The following SPTBN5 variants were observed in gnomAD, a reference collection of about 807,000 sequenced individuals.
SPTBN5 encodes spectrin beta chain, non-erythrocytic 5.
SPTBN5 carries 513 observed loss-of-function variants against 477.6 expected under a neutral mutation model. The ratio of observed to expected loss-of-function variants is 1.07; its 90% CI spans 1.00 to 1.16. The LOEUF is 1.16. SPTBN5 is among the 50% of genes most tolerant of loss of function. The pLI is 0.00. For missense variants in SPTBN5, 5,062 were observed against 4,731.8 expected (o/e 1.07, Z -2.05); for synonymous variants, 2,169 against 2,011.7 (o/e 1.08, Z -2.09).
chr15:41,869,690 G>A lies in SPTBN5; in HGVS notation c.5853+151C>T, dbSNP rs1595475780. The A allele has an allele frequency of 1.5e-5, 13 of 839,566 alleles. No individual in the cohort carries two copies. In the East Asian group the frequency reaches 4.3e-4, roughly 28 times the overall value. 52.0% of individuals were successfully genotyped at this position (839,566 alleles called of 1,614,324 possible). On this transcript the variant is annotated intron_variant, in intron 32 of 67. Coordinates refer to ENST00000320955, the MANE Select transcript of SPTBN5 (RefSeq NM_016642.4). ...TGCCCATGTGCTCAGCCCCTGACCA[G>A]CCAGACTGACATCCCGTGTGCTCGT...
chr15:41,857,063 A>G (rs1356424069), intron 51 of SPTBN5, 24 bp from the exon 52 acceptor site: 1 of 1,588,446 alleles, frequency 6.3e-7, no homozygotes, highest in South Asian at 1.1e-5. Flanking sequence ...GGGTGGGACC[A>G]AGGGAGGCAG....
Position 41,862,623 on chromosome 15 carries a change from C to T in SPTBN5, c.7301G>A (p.Ser2434Asn). The T allele has an allele frequency of 6.4e-7, 1 of 1,557,658 alleles. No individual in the cohort carries two copies. Among genetic ancestry groups the T allele is most frequent in the Non-Finnish European group, 8.7e-7 (1 of 1,153,008 alleles). Residue 2434 changes from serine (S) to asparagine (N), a missense_variant, in exon 43 of 68, where the codon AGC becomes AAC. By Grantham distance (46) the Ser-to-Asn change is conservative. Coordinates refer to ENST00000320955, the MANE Select transcript of SPTBN5 (RefSeq NM_016642.4). ...EREVGRLCQR[S>N]PEAAHGLRHR... ...CCTGAGGCCGTGGGCTGCCTCGGGG[C>T]TTCTTTGGCAGAGGCGGCCCACTTC...
At position 41,848,330 on chromosome 15, in the gene SPTBN5, C is replaced by T; in HGVS notation, c.*286G>A. 1 of 549,452 alleles carries T rather than the reference C, an allele frequency of 1.8e-6. No individual in the cohort carries two copies. The highest frequency in any genetic ancestry group is 3.3e-6 in the Non-Finnish European group (1 of 304,886). The allele number at this position is 549,452 out of a possible 1,614,324, so 34.0% of individuals were successfully genotyped here. ...CACCCCTTCCAAGCAAGGAGGAGGC[C>T]ACATGGGCCTGGGGTAGCCCTGGCC... On this transcript the variant is annotated 3_prime_UTR_variant, in exon 68 of 68. Coordinates refer to ENST00000320955, the MANE Select transcript of SPTBN5 (RefSeq NM_016642.4).
rs368044329 is a variant in SPTBN5, at chr15:41,851,273, C to T, written c.10743+10G>A. On this transcript the variant is annotated intron_variant, in intron 64 of 67. Coordinates refer to ENST00000320955, the MANE Select transcript of SPTBN5 (RefSeq NM_016642.4). ...CCTGATGTCTGCATCTCCCCTACCC[C>T]GCCTGGTACCTCCGCTGCCATCCTC... The T allele has an allele frequency of 6.8e-5, 106 of 1,551,444 alleles. No individual in the cohort carries two copies. In the Admixed American group the frequency reaches 1.5e-3, roughly 22 times the overall value.
chr15:41,877,414 TCTC>T (rs1182080860), intron 17 of SPTBN5, 58 bp from the exon 18 acceptor site: 5 of 1,563,990 alleles, frequency 3.2e-6, no homozygotes, highest in East Asian at 2.3e-5. Flanking sequence ...TCAGCCTCCT[TCTC>T]CTCTCACCTC....
At position 41,863,976 on chromosome 15, in the gene SPTBN5, G is replaced by A. The variant is rs368419268; in HGVS notation, c.6967C>T (p.Gln2323Ter). 6.2e-7 allele frequency: 1 copy of A among 1,613,716 alleles called. No homozygotes were observed. The highest frequency in any genetic ancestry group is 1.3e-5 in the African/African-American group (1 of 74,926). The change falls in exon 40 of 68, where the codon CAG (glutamine) becomes TAG (stop). Residue 2323 changes from glutamine to a stop codon, truncating the protein, a stop_gained. Coordinates refer to ENST00000320955, the MANE Select transcript of SPTBN5 (RefSeq NM_016642.4). LOFTEE classifies it high-confidence loss of function. ...CIRSISDLSL[Q>*]LKNRDPEEVK... ...TCCTCAGGGTCCCGGTTCTTGAGCT[G>A]CAGTGACAAGTCACTGATGCTCCTG...
At position 41,858,556 on chromosome 15, in the gene SPTBN5, C is replaced by T; in HGVS notation, c.8226+46G>A. 1.9e-6 allele frequency: 3 copies of T among 1,587,800 alleles called. 1 individual carries two copies. The highest frequency in any genetic ancestry group is 1.1e-5 in the South Asian group (1 of 87,264). On this transcript the variant is annotated intron_variant, in intron 49 of 67. Transcript: ENST00000320955. ...CAGCTCTGGGGCACTGTCCTGTGTT[C>T]TGCCTGGAGAGCTGTCCCACCACCC...
At chr15:41,864,985 C>G (rs890488095) in intron 39 of SPTBN5, among the ~76,000 whole-genome samples, 7 of 152,228 alleles carry the variant, frequency 4.6e-5, no homozygotes, top group Admixed American at 6.5e-5. Flanking sequence ...AGGATTCAAG[C>G]CCAGCTCCTT....
chr15:41,880,991 C>T (rs2066931401), intron 13 of SPTBN5, 43 bp downstream of exon 13: 1 of 1,521,568 alleles, frequency 6.6e-7, no homozygotes, highest in African/African-American at 1.4e-5. Flanking sequence ...GAGCTGCTGG[C>T]ACAGAGTAAG....
chr15:41,849,130 C>G (rs1214780936), intron 67 of SPTBN5, among the ~76,000 whole-genome samples: 5 of 152,212 alleles, frequency 3.3e-5, no homozygotes, highest in African/African-American at 1.2e-4. Context: ...GGAGGATTTG[C>G]CTGTCTCCAG....
intron 22 of SPTBN5, 41 bp downstream of exon 22, chr15:41,875,417 C>G (rs747249725): frequency 1.3e-6 from 2 of 1,592,354 alleles, no homozygotes; most frequent in Non-Finnish European, 1.7e-6. Flanking sequence ...CCAGCCAGGC[C>G]TCCGTCTCCC....
intron 56 of SPTBN5, 125 bp downstream of exon 56, chr15:41,854,657 C>T: frequency 1.3e-6 from 1 of 789,938 alleles, no homozygotes; most frequent in Non-Finnish European, 1.9e-6. Flanking sequence ...AGGGAAAAGG[C>T]ACATTCACTT....
Position 41,874,344 on chromosome 15 carries a change from G to A in SPTBN5, c.4637C>T (p.Thr1546Ile). The change falls in exon 24 of 68, where the codon ACC becomes ATC. Residue 1546 changes from threonine (T) to isoleucine (I), a missense_variant. Transcript: ENST00000320955. Reference protein sequence around the residue: ...VAEHMPHGSPTSYTECLNGAQ... With the variant: ...VAEHMPHGSPISYTECLNGAQ... Reference sequence around the variant, plus strand: ...ACCATTCAAGCACTCGGTATAGCTGGTGGGGCTGCCATGGGGCATGTGCTC... The same window carrying A: ...ACCATTCAAGCACTCGGTATAGCTGATGGGGCTGCCATGGGGCATGTGCTC... The A allele has an allele frequency of 1.2e-6, 2 of 1,613,874 alleles. No individual in the cohort carries two copies. Among genetic ancestry groups the A allele is most frequent in the Non-Finnish European group, 1.7e-6 (2 of 1,179,874 alleles).
At chr15:41,868,252 G>A (rs747452333) in intron 33 of SPTBN5, 34 bp from the exon 34 acceptor site, 4 of 1,576,788 alleles carry the variant, frequency 2.5e-6, no homozygotes, top group Admixed American at 1.8e-5. Flanking sequence ...CTCAGCTGGG[G>A]AGGGTGGTGT....
At chr15:41,865,697 A>G in intron 39 of SPTBN5, 111 bp downstream of exon 39, 1 of 972,262 alleles carries the variant, frequency 1.0e-6, no homozygotes, top group South Asian at 1.6e-5. Context: ...GCATAGGAGG[A>G]GCAGGCATGG....
rs1266787898 is a variant in SPTBN5, at chr15:41,877,115, C to A, written c.3711+1G>T. 3.1e-6 allele frequency: 5 copies of A among 1,613,684 alleles called. No individual in the cohort carries two copies. In the South Asian group the frequency reaches 3.3e-5, roughly 11 times the overall value. ...CCTAGCTCCACATTCCTGCTCCATACCCCAAGGTTGTCCAGGTGCAGCCAG... is the reference window on the plus strand; with the variant it reads ...CCTAGCTCCACATTCCTGCTCCATAACCCAAGGTTGTCCAGGTGCAGCCAG... On this transcript the variant is annotated splice_donor_variant, in intron 18 of 67. Coordinates refer to ENST00000320955, the MANE Select transcript of SPTBN5 (RefSeq NM_016642.4). LOFTEE classifies it high-confidence loss of function.
rs751914612 is a variant in SPTBN5 at position 41,885,843 on chromosome 15, A to C, written c.1412T>G (p.Met471Arg). The C allele has an allele frequency of 1.3e-6, 2 of 1,563,250 alleles. No individual in the cohort carries two copies. Among genetic ancestry groups the C allele is most frequent in the Non-Finnish European group, 1.7e-6 (2 of 1,154,206 alleles). Residue 471 changes from methionine to arginine, a missense_variant, in exon 7 of 68, where the codon ATG becomes AGG. Physicochemically the swap from Met to Arg is moderately conservative, Grantham distance 91. Coordinates refer to ENST00000320955, the MANE Select transcript of SPTBN5 (RefSeq NM_016642.4). ...TVEAAVQRLG[M>R]LEAGILPQEG... is the part of the protein sequence containing the mutation. Reference sequence around the variant, plus strand: ...CTGGGGCAGGATGCCAGCCTCCAGCATGCCCAGCCTCTGGACGGCTGCCTC... The same window carrying C: ...CTGGGGCAGGATGCCAGCCTCCAGCCTGCCCAGCCTCTGGACGGCTGCCTC...
rs970593021 is a variant in SPTBN5, at chr15:41,872,403, C to G, written c.5064G>C (p.Thr1688=). Reference sequence around the variant, plus strand: ...CTTCGGGGCCAGTGAGGGTTTGGGCCGTCTGGTCAAGCTCCTCCATGGAGC... The same window carrying G: ...CTTCGGGGCCAGTGAGGGTTTGGGCGGTCTGGTCAAGCTCCTCCATGGAGC... ...YWSSMEELDQ[T]AQTLTGPEVP... Residue 1688 remains threonine, a synonymous_variant, in exon 27 of 68, where the codon ACG becomes ACC. Transcript: ENST00000320955. The G allele has an allele frequency of 5.0e-6, 8 of 1,600,488 alleles. No homozygotes were observed. Among genetic ancestry groups the G allele is most frequent in the Non-Finnish European group, 6.8e-6 (8 of 1,174,204 alleles).
At chr15:41,889,848 C>T (rs1363476911) in intron 4 of SPTBN5, among the ~76,000 whole-genome samples, 2 of 152,216 alleles carry the variant, frequency 1.3e-5, no homozygotes, top group Non-Finnish European at 2.9e-5. Flanking sequence ...GAATGACTTG[C>T]CCAGACCTGG....
Sources: allele counts gnomAD v4.1 joint callset (sites outside exome capture counted in the v4.1 genomes callset), GRCh38; gene constraint gnomAD v4.1.1; transcripts MANE v1.5; gene names NCBI Gene and HGNC (gene_info 2026-07-23, HGNC 2026-07-21).